The following CACNA2D1 variants were observed in gnomAD, a reference collection of about 807,000 sequenced individuals.
The protein encoded by CACNA2D1 is calcium voltage-gated channel auxiliary subunit alpha2delta 1, also known as voltage-dependent calcium channel subunit alpha-2/delta-1.
In CACNA2D1, 53 loss-of-function variants were observed where a neutral mutation model predicts 171.5. The ratio of observed to expected loss-of-function variants is 0.31; its 90% CI spans 0.25 to 0.39. CACNA2D1 has a LOEUF of 0.39. CACNA2D1 is among the 10% of genes least tolerant of loss of function. The pLI is 1.00. For synonymous variants in CACNA2D1, 442 were observed against 443.1 expected (o/e 1.00, Z 0.03); for missense variants, 903 against 1,299.8 (o/e 0.69, Z 4.69).
chr7:82,300,124 C>T (rs887098087), intron 3 of CACNA2D1, among the ~76,000 whole-genome samples: 14 of 151,970 alleles, frequency 9.2e-5, no homozygotes, highest in African/African-American at 3.4e-4. Context: ...CATCGTCAAG[C>T]AGGCTATTTT....
intron 3 of CACNA2D1, among the ~76,000 whole-genome samples, chr7:82,272,381 T>C (rs1808753870): frequency 6.6e-6 from 1 of 152,204 alleles, no homozygotes; most frequent in African/African-American, 2.4e-5. Flanking sequence ...TGTAGTGGCT[T>C]AAACATATGT....
intron 7 of CACNA2D1, among the ~76,000 whole-genome samples, chr7:82,078,417 G>A (rs907034484): frequency 2.6e-5 from 4 of 152,134 alleles, no homozygotes; most frequent in African/African-American, 7.2e-5. Context: ...TGACCAGTTT[G>A]TACCTATGGT....
chr7:81,978,753 G>GTATATATATATA (rs1554336413), intron 24 of CACNA2D1, among the ~76,000 whole-genome samples: 3 of 139,478 alleles, frequency 2.2e-5, no homozygotes, highest in African/African-American at 8.1e-5. Context: ...TTTAAAAAGT[G>GTATATATATATA]TATATATATA....
At chr7:81,992,327 T>G (rs779753882) in intron 20 of CACNA2D1, among the ~76,000 whole-genome samples, 1 of 152,026 alleles carries the variant, frequency 6.6e-6, no homozygotes, top group Non-Finnish European at 1.5e-5. Context: ...GATGAAGAAA[T>G]AAGTGTTAAA....
chr7:81,954,783 G>C (rs1389265427), intron 38 of CACNA2D1, among the ~76,000 whole-genome samples: 1 of 152,014 alleles, frequency 6.6e-6, no homozygotes, highest in Non-Finnish European at 1.5e-5. Flanking sequence ...TTGAATTCAG[G>C]TAAGTCTGTA....
chr7:82,150,191 G>A (rs1164370364), intron 4 of CACNA2D1, among the ~76,000 whole-genome samples: 1 of 149,864 alleles, frequency 6.7e-6, no homozygotes, highest in Non-Finnish European at 1.5e-5. Flanking sequence ...TGACAAATAC[G>A]GTCTCTAGAA....
At chr7:82,317,584 G>C (rs952762010) in intron 3 of CACNA2D1, among the ~76,000 whole-genome samples, 4 of 152,098 alleles carry the variant, frequency 2.6e-5, no homozygotes, top group African/African-American at 9.7e-5. Context: ...CAGGCATTAG[G>C]TACCACTTGC....
At chr7:82,258,213 A>G (rs2129326966) in intron 3 of CACNA2D1, among the ~76,000 whole-genome samples, 1 of 152,252 alleles carries the variant, frequency 6.6e-6, no homozygotes, top group South Asian at 2.1e-4. Context: ...CATTCTAAAC[A>G]GTATGTGCTC....
intron 23 of CACNA2D1, 93 bp downstream of exon 23, chr7:81,983,221 G>T: frequency 1.9e-6 from 2 of 1,072,632 alleles, no homozygotes; most frequent in Non-Finnish European, 2.8e-6. Context: ...CAAATGAGAA[G>T]CACAGAGGAT....
At position 82,005,470 on chromosome 7, in the gene CACNA2D1, T is replaced by C. The variant is rs1390632411; in HGVS notation, c.1543A>G (p.Ile515Val). ...TLCPNGYYFAIDPNGYVLLHP... is the reference protein window; with the variant it reads ...TLCPNGYYFAVDPNGYVLLHP... ...AATAAAACATAACCATTAGGATCGA[T>C]TGCAAAGTAATACCCATTGGGGCAC... The change falls in exon 18 of 39, where the codon ATC becomes GTC. Residue 515 changes from isoleucine (I) to valine (V), a missense_variant. Ile to Val is a conservative substitution (Grantham distance 29). This residue lies in a region of CACNA2D1 where 623 missense variants were observed against 925.5 expected (regional missense o/e 0.67). Transcript: ENST00000356860. 4 of 1,598,172 alleles carry C rather than the reference T, an allele frequency of 2.5e-6. No homozygotes were observed. Among genetic ancestry groups the C allele is most frequent in the Non-Finnish European group, 3.4e-6 (4 of 1,170,650 alleles).
chr7:81,959,406 T>A, intron 37 of CACNA2D1, 49 bp from the exon 38 acceptor site: 2 of 1,224,292 alleles, frequency 1.6e-6, no homozygotes, highest in Non-Finnish European at 2.4e-6. Context: ...TTCACATGAT[T>A]AAAAATAAAT....
At chr7:82,226,406 C>T (rs1484484105) in intron 3 of CACNA2D1, among the ~76,000 whole-genome samples, 1 of 152,192 alleles carries the variant, frequency 6.6e-6, no homozygotes, top group African/African-American at 2.4e-5. Context: ...GCAATTATGA[C>T]ATAGACTTCC....
intron 3 of CACNA2D1, among the ~76,000 whole-genome samples, chr7:82,293,923 C>T (rs1811959579): frequency 6.6e-6 from 1 of 152,008 alleles, no homozygotes; most frequent in Non-Finnish European, 1.5e-5. Flanking sequence ...CCAGTAGAGG[C>T]CCTTAGCTTT....
intron 3 of CACNA2D1, among the ~76,000 whole-genome samples, chr7:82,308,266 C>T (rs753604491): frequency 2.0e-5 from 3 of 152,268 alleles, no homozygotes; most frequent in Non-Finnish European, 2.9e-5. Flanking sequence ...CATATTTCTT[C>T]CATTGGGTCA....
At position 81,965,658 on chromosome 7, in the gene CACNA2D1, T is replaced by G; in HGVS notation, c.2510A>C (p.Asp837Ala). The change falls in exon 32 of 39, where the codon GAT (aspartate) becomes GCT (alanine). Residue 837 changes from aspartate (D) to alanine (A), a missense_variant. Physicochemically the swap from Asp to Ala is moderately radical, Grantham distance 126. Transcript: ENST00000356860. Reference protein sequence around the residue: ...CDCKRNSDVMDCVILDDGGFL... With the variant: ...CDCKRNSDVMACVILDDGGFL... ...CCCACCATCATCCAGAATCACACAA[T>G]CCATTACCTATCAAAATAAAGTGAA... 1 of 1,584,116 alleles carries G rather than the reference T, an allele frequency of 6.3e-7. No homozygotes were observed. Among genetic ancestry groups the G allele is most frequent in the Non-Finnish European group, 8.7e-7 (1 of 1,153,606 alleles).
chr7:82,008,244 T>G (rs996557743), intron 15 of CACNA2D1, among the ~76,000 whole-genome samples: 1 of 152,154 alleles, frequency 6.6e-6, no homozygotes, highest in Non-Finnish European at 1.5e-5. Flanking sequence ...TTGAATAACA[T>G]GATAAATAAA....
chr7:82,159,562 T>C (rs868104614), intron 4 of CACNA2D1, among the ~76,000 whole-genome samples: 1 of 151,796 alleles, frequency 6.6e-6, no homozygotes, highest in Non-Finnish European at 1.5e-5. Context: ...ATACCCATTA[T>C]TCTTCAGTCT....
chr7:81,999,014 TGCAAA>T lies in CACNA2D1; in HGVS notation c.1591-1769_1591-1765del, dbSNP rs751942387. Among the ~76,000 whole-genome samples, 395 of 151,652 alleles carry T rather than the reference TGCAAA, an allele frequency of 2.6e-3. 4 individuals are homozygous for T. Among genetic ancestry groups the T allele is most frequent in the Non-Finnish European group, 2.3e-3 (159 of 67,946 alleles). On this transcript the variant is annotated intron_variant, in intron 18 of 38. Transcript: ENST00000356860. ...AGCATTAAAATTTTAACAAACTCACTGCAAAGCAAAGTCAAAATAATGAAAATAAT... is the reference window on the plus strand; with the variant it reads ...AGCATTAAAATTTTAACAAACTCACTGCAAAGTCAAAATAATGAAAATAAT...
chr7:82,278,434 C>T (rs977748891), intron 3 of CACNA2D1, among the ~76,000 whole-genome samples: 2 of 151,498 alleles, frequency 1.3e-5, no homozygotes, highest in Non-Finnish European at 2.9e-5. Context: ...CAAAAATTAG[C>T]TGGATCTCAG....
Sources: allele counts gnomAD v4.1 joint callset (sites outside exome capture counted in the v4.1 genomes callset), GRCh38; gene constraint gnomAD v4.1.1; regional missense constraint gnomAD v4.1.1; transcripts MANE v1.5; gene names NCBI Gene and HGNC (gene_info 2026-07-23, HGNC 2026-07-21).